NOTCH2: variants seen among roughly 807,000 people sequenced by gnomAD.
NOTCH2 encodes notch receptor 2, also known as neurogenic locus notch homolog protein 2.
In NOTCH2, 29 loss-of-function variants were observed where a neutral mutation model predicts 235.8. That is an observed-to-expected ratio of 0.12 (90% confidence interval 0.09 to 0.17). The LOEUF (loss-of-function observed/expected upper bound fraction) is 0.17, where lower values mean the gene tolerates loss of function less well. Among genes scored for constraint, NOTCH2 ranks in the 10% least tolerant of loss-of-function variants. The probability of loss-of-function intolerance (pLI) is 1.00; values close to 1 mark genes in which losing one functional copy is unlikely to be tolerated. For missense variants in NOTCH2, 2,285 were observed against 3,150.2 expected, an observed-to-expected ratio of 0.73 and a Z score of 6.57; for synonymous variants, 1,086 against 1,141.5, an observed-to-expected ratio of 0.95 and a Z score of 0.98.
intron 22 of NOTCH2, 113 bp from the exon 23 acceptor site, chr1:119,929,325 C>T (rs1379397044): frequency 7.1e-6 from 6 of 847,722 alleles, no homozygotes; most frequent in Non-Finnish European, 1.2e-5. Flanking sequence ...TACTCCTCAA[C>T]TGGTAGTGGG....
At chr1:119,955,014 A>G in intron 13 of NOTCH2, 26 bp downstream of exon 13, 1 of 1,612,016 alleles carries the variant, frequency 6.2e-7, no homozygotes, top group Non-Finnish European at 8.5e-7. Context: ...GTCAATAAGA[A>G]ACTATCACAT....
intron 17 of NOTCH2, among the ~76,000 whole-genome samples, chr1:119,943,037 TA>T (rs1294811389): frequency 4.6e-5 from 7 of 152,152 alleles, no homozygotes; most frequent in Non-Finnish European, 1.0e-4. Flanking sequence ...CACGCCTGGC[TA>T]ATTTTTGTAT....
chr1:120,030,864 C>A, intron 1 of NOTCH2, among the ~76,000 whole-genome samples: 1 of 101,224 alleles, frequency 9.9e-6, no homozygotes, highest in Non-Finnish European at 2.0e-5. Flanking sequence ...CAATCACTTG[C>A]TGGATAATTA....
chr1:120,069,022 C>T (rs1163271712), intron 1 of NOTCH2: 14 of 1,367,048 alleles, frequency 1.0e-5, no homozygotes, highest in Non-Finnish European at 1.3e-5. Flanking sequence ...CAAAACTGCC[C>T]ACCTCCCTGC....
chr1:119,961,535 C>A (rs1261857152), intron 11 of NOTCH2, among the ~76,000 whole-genome samples: 10 of 152,220 alleles, frequency 6.6e-5, no homozygotes, highest in African/African-American at 2.4e-4. Flanking sequence ...GTTTCCTATT[C>A]TTTTCTCCAA....
chr1:119,976,609 G>A (rs1229670534), intron 5 of NOTCH2, among the ~76,000 whole-genome samples: 1 of 151,982 alleles, frequency 6.6e-6, no homozygotes, highest in Non-Finnish European at 1.5e-5. Flanking sequence ...ATTTTCTAAA[G>A]AGCCGCCAGG....
intron 5 of NOTCH2, among the ~76,000 whole-genome samples, chr1:119,974,394 A>T (rs587752667): frequency 9.8e-5 from 15 of 152,344 alleles, no homozygotes; most frequent in African/African-American, 3.1e-4. Flanking sequence ...TCCTATGGGC[A>T]AAAGAGAAAG....
intron 29 of NOTCH2, among the ~76,000 whole-genome samples, 180 bp downstream of exon 29, chr1:119,921,532 AG>A (rs1441419586): frequency 6.6e-6 from 1 of 152,210 alleles, no homozygotes; most frequent in Non-Finnish European, 1.5e-5. Flanking sequence ...AGGTAACCCA[AG>A]GTCATTTACG....
At chr1:119,938,268 G>A (rs1486438491) in intron 19 of NOTCH2, among the ~76,000 whole-genome samples, 3 of 151,676 alleles carry the variant, frequency 2.0e-5, no homozygotes, top group Non-Finnish European at 2.9e-5. Flanking sequence ...GATATATAAC[G>A]AAACCAATTT....
At chr1:119,928,453 C>G (rs1307194032) in intron 23 of NOTCH2, among the ~76,000 whole-genome samples, 3 of 152,174 alleles carry the variant, frequency 2.0e-5, no homozygotes, top group Non-Finnish European at 4.4e-5. Flanking sequence ...CCCAGTAATT[C>G]AAGCCATCAC....
intron 26 of NOTCH2, 120 bp downstream of exon 26, chr1:119,923,516 TG>T: frequency 1.1e-6 from 1 of 871,936 alleles, no homozygotes; most frequent in Non-Finnish European, 1.9e-6. Flanking sequence ...TTATCTTAAG[TG>T]GTGGGCCATT....
At position 119,923,552 on chromosome 1, in the gene NOTCH2, T is replaced by C. The variant is rs902552279; in HGVS notation, c.4859+85A>G. The C allele has an allele frequency of 3.4e-6, 4 of 1,183,356 alleles. No homozygotes were observed. In the African/African-American group the frequency reaches 4.5e-5, roughly 13 times the overall value. The allele number at this position is 1,183,356 out of a possible 1,614,324, so 73.3% of individuals were successfully genotyped here. A position where few individuals can be genotyped will look rare whatever the true frequency, so the allele number is the denominator to read the frequency against. On this transcript the variant is annotated intron_variant, in intron 26 of 33. Transcript: ENST00000256646. Reference sequence around the variant, plus strand: ...TCTATTTTTCTGATCTTTGCATTTCTATAGGTTGAGTTATGACTTGTGCTA... The same window carrying C: ...TCTATTTTTCTGATCTTTGCATTTCCATAGGTTGAGTTATGACTTGTGCTA...
intron 2 of NOTCH2, among the ~76,000 whole-genome samples, chr1:120,022,872 G>A (rs1553209299): frequency 6.6e-6 from 1 of 151,600 alleles, no homozygotes; most frequent in African/African-American, 2.4e-5. Context: ...TTTATTGACA[G>A]GCAAACTGAG....
intron 1 of NOTCH2, among the ~76,000 whole-genome samples, chr1:120,063,497 T>C (rs1435392954): frequency 1.3e-5 from 2 of 152,270 alleles, no homozygotes; most frequent in Admixed American, 6.5e-5. Context: ...AACAAAGTCA[T>C]ACAACACAAA....
chr1:119,911,590 G>C lies in NOTCH2; in HGVS notation c.*3716C>G, dbSNP rs587653580. The C allele has an allele frequency of 8.7e-6, 2 of 231,030 alleles. No individual in the cohort carries two copies. Among genetic ancestry groups the C allele is most frequent in the East Asian group, 1.2e-4 (2 of 16,076 alleles). 14.3% of individuals were successfully genotyped at this position (231,030 alleles called of 1,614,324 possible). A position where few individuals can be genotyped will look rare whatever the true frequency, so the allele number is the denominator to read the frequency against. ...TATCTCACTGACTTTATAAATAAAT[G>C]TATGAATGTGAACTTATAACAAATT... On this transcript the variant is annotated 3_prime_UTR_variant, in exon 34 of 34. Transcript: ENST00000256646.
chr1:119,921,837 A>G, intron 28 of NOTCH2, 28 bp from the exon 29 acceptor site: 5 of 1,557,678 alleles, frequency 3.2e-6, no homozygotes, highest in Non-Finnish European at 3.5e-6. Context: ...AGAAAAAATA[A>G]GAATGGCAGT....
intron 2 of NOTCH2, among the ~76,000 whole-genome samples, chr1:120,022,423 C>T (rs1553209233): frequency 5.4e-4 from 1 of 1,846 alleles, no homozygotes; most frequent in East Asian, 4.3e-3. Flanking sequence ...AATTTCACAA[C>T]TGCATAAATC....
Position 119,997,224 on chromosome 1 carries a change from G to A in NOTCH2, c.524C>T (p.Thr175Ile), listed in dbSNP as rs367993523. Residue 175 changes from threonine (T) to isoleucine (I), a missense_variant, in exon 4 of 34, where the codon ACA becomes ATA. Coordinates refer to ENST00000256646, the MANE Select transcript of NOTCH2 (RefSeq NM_024408.4). ...GACATCAGTCTCACATTTCTGCCCT[G>A]TGAAGCCTGTGAGGCATTTGCAGGA... Reference protein sequence around the residue: ...QFSCKCLTGFTGQKCETDVNE... With the variant: ...QFSCKCLTGFIGQKCETDVNE... 1 of 1,613,906 alleles carries A rather than the reference G, an allele frequency of 6.2e-7. No individual in the cohort carries two copies. The highest frequency in any genetic ancestry group is 8.5e-7 in the Non-Finnish European group (1 of 1,179,878).
In NOTCH2 at chr1:119,917,876, G is replaced by T. The variant is rs1022885418; in HGVS notation, c.5930-114C>A. 15 of 766,956 alleles carry T rather than the reference G, an allele frequency of 2.0e-5. 1 individual carries two copies. 47.5% of individuals were successfully genotyped at this position (766,956 alleles called of 1,614,324 possible). A position where few individuals can be genotyped will look rare whatever the true frequency, so the allele number is the denominator to read the frequency against. ...AGAGATCAGCAGGAAGCAGTTCTCT[G>T]TAGGGGTCTATAGGAAAAACCAAAG... On this transcript the variant is annotated intron_variant, in intron 32 of 33. Coordinates refer to ENST00000256646, the MANE Select transcript of NOTCH2 (RefSeq NM_024408.4).
Sources: gnomAD v4.1 joint callset for allele counts (sites outside exome capture counted in the v4.1 genomes callset) on GRCh38, gnomAD v4.1.1 for gene constraint, MANE v1.5 for transcripts, NCBI Gene and HGNC (gene_info 2026-07-23, HGNC 2026-07-21) for gene names.